The following RAB1A variants were observed in gnomAD, a reference collection of about 807,000 sequenced individuals.
RAB1A encodes the protein ras-related protein Rab-1A.
In RAB1A, 2 loss-of-function variants were observed where a neutral mutation model predicts 26.0. That is an observed-to-expected ratio of 0.08 (90% CI 0.03 to 0.24). The LOEUF is 0.24. RAB1A is among the 10% of genes least tolerant of loss of function. The pLI is 1.00. For synonymous variants in RAB1A, 84 were observed against 84.9 expected (o/e 0.99, Z 0.06); for missense variants, 100 against 247.0 (o/e 0.40, Z 3.99).
rs191112810 is a variant in RAB1A, at chr2:65,126,166, T to C, written c.23+3727A>G. ...ATGGCTGGGTACTCTATACAAAAAT[T>C]AGCTGGTTATGGTGGCAAATGCCTG... is the stretch of plus-strand genomic sequence containing the variant. On this transcript the variant is annotated intron_variant, in intron 1 of 5. Transcript: ENST00000409784. Among the ~76,000 whole-genome samples, 5 of 152,094 alleles carry C rather than the reference T, an allele frequency of 3.3e-5. No individual in the cohort carries two copies. The East Asian group carries it at 9.7e-4, about 29-fold the overall frequency.
intron 1 of RAB1A, among the ~76,000 whole-genome samples, chr2:65,113,845 G>T (rs1399640555): frequency 6.6e-6 from 1 of 152,224 alleles, no homozygotes; most frequent in Non-Finnish European, 1.5e-5. Flanking sequence ...GGCTGGAGCA[G>T]GAAGTCTAAA....
At chr2:65,100,400 CAAAAAAAAA>C (rs34166798) in intron 2 of RAB1A, among the ~76,000 whole-genome samples, 1 of 57,974 alleles carries the variant, frequency 1.7e-5, no homozygotes, top group African/African-American at 7.0e-5. Context: ...GTCTCTGTCT[CAAAAAAAAA>C]AAAAAAAAAA....
chr2:65,114,809 C>T (rs967360053), intron 1 of RAB1A, among the ~76,000 whole-genome samples: 1 of 150,134 alleles, frequency 6.7e-6, no homozygotes, highest in African/African-American at 2.5e-5. Context: ...TGCGCCACTG[C>T]AGTCCGCAGT....
At chr2:65,098,099 T>C (rs1420760184) in intron 2 of RAB1A, 33 bp from the exon 3 acceptor site, 1 of 1,300,696 alleles carries the variant, frequency 7.7e-7, no homozygotes, top group Non-Finnish European at 1.1e-6. Context: ...ATTAAATGTA[T>C]TGTTCAGTGG....
At chr2:65,120,806 G>C (rs554718292) in intron 1 of RAB1A, among the ~76,000 whole-genome samples, 2 of 152,268 alleles carry the variant, frequency 1.3e-5, no homozygotes, top group East Asian at 3.9e-4. Context: ...AGGACAAAGA[G>C]TAATTCCACT....
chr2:65,129,071 G>C (rs1228296823), intron 1 of RAB1A, among the ~76,000 whole-genome samples: 2 of 151,494 alleles, frequency 1.3e-5, no homozygotes, highest in Admixed American at 1.3e-4. Flanking sequence ...CATAGGTCCC[G>C]TTCGTTTCTC....
At chr2:65,101,676 C>A (rs1573072035) in intron 2 of RAB1A, among the ~76,000 whole-genome samples, 1 of 148,086 alleles carries the variant, frequency 6.8e-6, no homozygotes, top group Admixed American at 6.7e-5. Context: ...AACTTAAAGG[C>A]CTTTAATTAC....
In RAB1A at chr2:65,103,299, C is replaced by CAAAAAAAAAAAAA. The variant is rs1201745425; in HGVS notation, c.96+1422_96+1434dup. On this transcript the variant is annotated intron_variant, in intron 2 of 5. Coordinates refer to ENST00000409784, the MANE Select transcript of RAB1A (RefSeq NM_004161.5). ...TTGGCAACACAGCCAGAATCTGTCT[C>CAAAAAAAAAAAAA]AAAAAAAAAAAAAAACATTGTTTTA... 1.4e-3 allele frequency among the ~76,000 whole-genome samples: 62 copies of CAAAAAAAAAAAAA among 44,060 alleles called. 2 individuals carry two copies. The highest frequency in any genetic ancestry group is 3.9e-3 in the African/African-American group (50 of 12,898). 28.9% of individuals were successfully genotyped at this position (44,060 alleles called of 152,430 possible). A position where few individuals can be genotyped will look rare whatever the true frequency, so the allele number is the denominator to read the frequency against.
At chr2:65,115,472 T>A (rs13409078) in intron 1 of RAB1A, among the ~76,000 whole-genome samples, 1 of 152,156 alleles carries the variant, frequency 6.6e-6, no homozygotes, top group Non-Finnish European at 1.5e-5. Flanking sequence ...AACCTTCAGG[T>A]TGAAACACTT....
chr2:65,127,629 G>A (rs751615815), intron 1 of RAB1A, among the ~76,000 whole-genome samples: 8 of 152,228 alleles, frequency 5.3e-5, no homozygotes, highest in Non-Finnish European at 2.9e-5. Flanking sequence ...GGGAATCTGA[G>A]GCAGGAGAAT....
intron 1 of RAB1A, among the ~76,000 whole-genome samples, chr2:65,121,385 GAAATCTACAAGCAT>G (rs1415749916): frequency 4.6e-5 from 7 of 152,214 alleles, no homozygotes; most frequent in African/African-American, 1.7e-4. Context: ...TCCTAATTAG[GAAATCTACAAGCAT>G]AGAACACAGT....
intron 4 of RAB1A, 79 bp downstream of exon 4, chr2:65,090,904 A>C: frequency 1.1e-6 from 1 of 884,610 alleles, no homozygotes; most frequent in Non-Finnish European, 1.7e-6. Context: ...TTATATATGA[A>C]GTAGTAAATG....
intron 1 of RAB1A, among the ~76,000 whole-genome samples, chr2:65,105,655 C>A (rs974694004): frequency 1.3e-5 from 2 of 152,020 alleles, no homozygotes; most frequent in Admixed American, 6.6e-5. Flanking sequence ...CTTCTGAAAG[C>A]CCATATTATA....
At chr2:65,125,864 CTTTTTTTTTTTTT>C (rs55930968) in intron 1 of RAB1A, among the ~76,000 whole-genome samples, 1 of 74,726 alleles carries the variant, frequency 1.3e-5, no homozygotes, top group Non-Finnish European at 2.5e-5. Flanking sequence ...TTTCAATTGC[CTTTTTTTTTTTTT>C]TTTTTTTTTT....
Position 65,106,428 on chromosome 2 carries a change from A to G in RAB1A, c.24-1622T>C, listed in dbSNP as rs143345179. ...TTTTGTTTTAATTGCACTGCCAAAG[A>G]AGAGAGGATATAAAACTTCTATAAG... On this transcript the variant is annotated intron_variant, in intron 1 of 5. Coordinates refer to ENST00000409784, the MANE Select transcript of RAB1A (RefSeq NM_004161.5). The G allele has an allele frequency of 1.6e-3, 535 of 342,468 alleles. 1 individual carries two copies. The highest frequency in any genetic ancestry group is 0.011 in the African/African-American group (504 of 44,514). 21.2% of individuals were successfully genotyped at this position (342,468 alleles called of 1,614,324 possible).
At chr2:65,106,912 C>T (rs1024775587) in intron 1 of RAB1A, among the ~76,000 whole-genome samples, 7 of 151,934 alleles carry the variant, frequency 4.6e-5, no homozygotes, top group Non-Finnish European at 8.8e-5. Flanking sequence ...CTCTGTTGCT[C>T]AAGCTAATTT....
At chr2:65,122,734 TGA>T (rs1468889325) in intron 1 of RAB1A, among the ~76,000 whole-genome samples, 1 of 152,000 alleles carries the variant, frequency 6.6e-6, no homozygotes, top group East Asian at 1.9e-4. Flanking sequence ...CTCAGCACTT[TGA>T]GAGGCAGAGG....
intron 4 of RAB1A, 92 bp from the exon 5 acceptor site, chr2:65,089,162 C>G: frequency 3.2e-6 from 4 of 1,247,144 alleles, no homozygotes; most frequent in Non-Finnish European, 4.4e-6. Context: ...AGACAAATAA[C>G]AAAGAGCTAG....
At chr2:65,092,578 T>A (rs1346487355) in intron 3 of RAB1A, among the ~76,000 whole-genome samples, 1 of 152,238 alleles carries the variant, frequency 6.6e-6, no homozygotes, top group Non-Finnish European at 1.5e-5. Flanking sequence ...AAGGAAAAAT[T>A]GTTTTTTGAC....
Sources: gnomAD v4.1 joint callset for allele counts (sites outside exome capture counted in the v4.1 genomes callset) on GRCh38, gnomAD v4.1.1 for gene constraint, MANE v1.5 for transcripts, NCBI Gene and HGNC (gene_info 2026-07-23, HGNC 2026-07-21) for gene names.